Variants in ADCY2 observed in about 807,000 individuals in gnomAD.
ADCY2 encodes adenylate cyclase type 2.
Under a neutral mutation model 125.2 loss-of-function variants are expected in ADCY2, and 31 were observed. That is an observed-to-expected ratio of 0.25 (90% confidence interval 0.19 to 0.33). The LOEUF (loss-of-function observed/expected upper bound fraction) is 0.33. ADCY2 is among the 10% of genes least tolerant of loss of function. The probability of loss-of-function intolerance (pLI) is 1.00; values close to 1 mark genes in which losing one functional copy is unlikely to be tolerated. For missense variants in ADCY2, 904 were observed against 1,418.2 expected (o/e 0.64, Z 5.82); for synonymous variants, 512 against 548.4 (o/e 0.93, Z 0.93).
At chr5:7,405,483 C>T (rs976404307) in intron 1 of ADCY2, among the ~76,000 whole-genome samples, 1 of 152,138 alleles carries the variant, frequency 6.6e-6, no homozygotes, top group Admixed American at 6.5e-5. Flanking sequence ...GCAGGCTATC[C>T]ACCATGGCTG....
At chr5:7,612,266 C>T (rs528775741) in intron 3 of ADCY2, among the ~76,000 whole-genome samples, 1 of 152,296 alleles carries the variant, frequency 6.6e-6, no homozygotes, top group Admixed American at 6.5e-5. Context: ...CATGTTATTT[C>T]CTCAAGAAAG....
At chr5:7,535,618 T>C (rs951885198) in intron 3 of ADCY2, among the ~76,000 whole-genome samples, 1 of 152,208 alleles carries the variant, frequency 6.6e-6, no homozygotes, top group African/African-American at 2.4e-5. Context: ...TGTTATTCTC[T>C]TGTTTTCTTC....
chr5:7,602,047 G>A (rs1404506469), intron 3 of ADCY2, among the ~76,000 whole-genome samples: 2 of 152,128 alleles, frequency 1.3e-5, no homozygotes, highest in African/African-American at 4.8e-5. Context: ...ACCTCTGTCT[G>A]TATCTTCACA....
At chr5:7,763,236 G>A (rs576396190) in intron 16 of ADCY2, among the ~76,000 whole-genome samples, 1 of 151,980 alleles carries the variant, frequency 6.6e-6, no homozygotes, top group Admixed American at 6.5e-5. Context: ...GACTACAGGC[G>A]CCCGCCACCA....
chr5:7,595,137 C>T (rs1268979485), intron 3 of ADCY2, among the ~76,000 whole-genome samples: 2 of 152,110 alleles, frequency 1.3e-5, no homozygotes, highest in African/African-American at 4.8e-5. Context: ...ATAATGACCA[C>T]GTTGCAACAG....
At chr5:7,449,373 G>A (rs1287091152) in intron 2 of ADCY2, among the ~76,000 whole-genome samples, 2 of 152,166 alleles carry the variant, frequency 1.3e-5, no homozygotes, top group Non-Finnish European at 2.9e-5. Context: ...TACTTCAAAT[G>A]TGTTTTCAGT....
chr5:7,553,681 G>T (rs1735411322), intron 3 of ADCY2, among the ~76,000 whole-genome samples: 1 of 152,186 alleles, frequency 6.6e-6, no homozygotes, highest in Non-Finnish European at 1.5e-5. Context: ...GAAGCAGGGA[G>T]GGTATGGTGG....
intron 2 of ADCY2, among the ~76,000 whole-genome samples, chr5:7,469,893 A>G (rs1290380951): frequency 6.6e-6 from 1 of 151,404 alleles, no homozygotes; most frequent in Middle Eastern, 3.2e-3. Context: ...TGATTTGGTA[A>G]GGCTTTGTTG....
chr5:7,702,158 G>T (rs909266349), intron 7 of ADCY2, among the ~76,000 whole-genome samples: 4 of 151,810 alleles, frequency 2.6e-5, no homozygotes, highest in Non-Finnish European at 5.9e-5. Flanking sequence ...TTGGGAGGCC[G>T]AGGTGGACTG....
At chr5:7,508,631 A>G (rs985962134) in intron 2 of ADCY2, among the ~76,000 whole-genome samples, 10 of 152,152 alleles carry the variant, frequency 6.6e-5, no homozygotes, top group African/African-American at 1.9e-4. Flanking sequence ...CCCATATTCT[A>G]TTACTCAATG....
chr5:7,565,499 C>T (rs80132362), intron 3 of ADCY2, among the ~76,000 whole-genome samples: 2,887 of 152,182 alleles, frequency 0.019, 92 homozygotes, highest in African/African-American at 0.066. Context: ...TATTTTGAGC[C>T]GCTTATTTTC....
rs1230935933 is a variant in ADCY2, at chr5:7,698,345, A to G, written c.1080A>G (p.Lys360=). The part of the protein sequence containing the change: ...SLPNHAKNCV[K]MGLDMCEAIK... ...CTAACCATGCCAAGAACTGTGTGAA[A>G]ATGGGGCTGGACATGTGTGAAGCCA... Residue 360 remains lysine, a synonymous_variant, in exon 7 of 25, where the codon AAA becomes AAG. Transcript: ENST00000338316. The G allele has an allele frequency of 6.2e-7, 1 of 1,614,080 alleles. No individual in the cohort carries two copies. The highest frequency in any genetic ancestry group is 1.3e-5 in the African/African-American group (1 of 74,944).
At chr5:7,810,892 A>C (rs1744919855) in intron 22 of ADCY2, among the ~76,000 whole-genome samples, 2 of 152,200 alleles carry the variant, frequency 1.3e-5, no homozygotes, top group African/African-American at 4.8e-5. Flanking sequence ...CAAAGATTAG[A>C]GATAACTCTG....
At chr5:7,729,566 T>C (rs1410249942) in intron 14 of ADCY2, among the ~76,000 whole-genome samples, 1 of 151,654 alleles carries the variant, frequency 6.6e-6, no homozygotes, top group African/African-American at 2.4e-5. Flanking sequence ...TTTTCTTTTT[T>C]CTGATTTCTA....
chr5:7,400,225 CAG>C (rs1367111986), intron 1 of ADCY2, among the ~76,000 whole-genome samples: 1 of 151,920 alleles, frequency 6.6e-6, no homozygotes, highest in Non-Finnish European at 1.5e-5. Context: ...TTTAAGTAGT[CAG>C]AGAAATAAAG....
At chr5:7,781,798 A>ACCATGCT (rs1298800479) in intron 18 of ADCY2, among the ~76,000 whole-genome samples, 1 of 152,204 alleles carries the variant, frequency 6.6e-6, no homozygotes, top group African/African-American at 2.4e-5. Context: ...CCTGACTCCC[A>ACCATGCT]CCATGCTCCA....
chr5:7,555,413 T>C (rs1438197472), intron 3 of ADCY2, among the ~76,000 whole-genome samples: 2 of 152,344 alleles, frequency 1.3e-5, no homozygotes, highest in Admixed American at 6.5e-5. Context: ...TAGGAATGGA[T>C]TTTTGGCAAA....
At chr5:7,464,604 T>G (rs931275675) in intron 2 of ADCY2, among the ~76,000 whole-genome samples, 1 of 152,222 alleles carries the variant, frequency 6.6e-6, no homozygotes, top group Admixed American at 6.5e-5. Flanking sequence ...TCACCTCAGC[T>G]TAGGGCATGG....
At chr5:7,457,583 C>T (rs1741735406) in intron 2 of ADCY2, among the ~76,000 whole-genome samples, 1 of 152,152 alleles carries the variant, frequency 6.6e-6, no homozygotes, top group Non-Finnish European at 1.5e-5. Context: ...GGAAGGACTC[C>T]ACCTCTTCAG....
Sources: allele counts gnomAD v4.1 joint callset (sites outside exome capture counted in the v4.1 genomes callset), GRCh38; gene constraint gnomAD v4.1.1; transcripts MANE v1.5; gene names NCBI Gene and HGNC (gene_info 2026-07-23, HGNC 2026-07-21).